HSF1: variants seen among roughly 807,000 people sequenced by gnomAD.
HSF1 encodes the protein heat shock factor protein 1.
A neutral mutation model predicts 51.7 loss-of-function variants in HSF1; 32 were observed. The ratio of observed to expected loss-of-function variants is 0.62; its 90% CI spans 0.47 to 0.83. The LOEUF is 0.83. Ranked by LOEUF, HSF1 falls within the 40% of genes least tolerant of loss-of-function variation. HSF1 has a pLI of 0.00. For synonymous variants in HSF1, 396 were observed against 309.7 expected, an observed-to-expected ratio of 1.28 and a Z score of -2.92; for missense variants, 727 against 717.0, an observed-to-expected ratio of 1.01 and a Z score of -0.16.
chr8:144,296,322 C>A (rs34845521), intron 1 of HSF1, among the ~76,000 whole-genome samples: 77,860 of 152,078 alleles, frequency 0.51, 20,222 homozygotes, highest in Admixed American at 0.64. Context: ...GCAGGGCCAC[C>A]CCTGCTTCCC....
chr8:144,309,185 A>T (rs1816429817), intron 2 of HSF1, 171 bp downstream of exon 2: 1 of 673,814 alleles, frequency 1.5e-6, no homozygotes, highest in Non-Finnish European at 2.6e-6. Context: ...TCCATGGGGG[A>T]GGGTCCTTGT....
chr8:144,296,863 C>G (rs1393848377), intron 1 of HSF1, among the ~76,000 whole-genome samples: 2 of 150,844 alleles, frequency 1.3e-5, no homozygotes, highest in Non-Finnish European at 2.9e-5. Context: ...GTGCATAGCA[C>G]AGAAAAAATT....
Position 144,313,631 on chromosome 8 carries a change from GCCGCCCCGCCTCC to G in HSF1, c.1248+34_1248+46del, listed in dbSNP as rs782678592. On this transcript the variant is annotated intron_variant, in intron 10 of 12. Transcript: ENST00000528838. ...CCCTGCTGGACGTGAGTGGAGCCCC[GCCGCCCCGCCTCC>G]CCGCCCCGCCTCCCCGCCGCGCCGC... 4 of 602,294 alleles carry G rather than the reference GCCGCCCCGCCTCC, an allele frequency of 6.6e-6. No homozygotes were observed. The African/African-American group carries it at 1.2e-4, about 18-fold the overall frequency. The allele number at this position is 602,294 out of a possible 1,614,324, so 37.3% of individuals were successfully genotyped here.
intron 1 of HSF1, among the ~76,000 whole-genome samples, chr8:144,293,163 G>A (rs1031355154): frequency 3.3e-5 from 5 of 152,214 alleles, no homozygotes; most frequent in Non-Finnish European, 7.3e-5. Context: ...CAGGCAGGAG[G>A]CCAGGTTTTC....
In HSF1 at chr8:144,297,484, AAG is replaced by A. The variant is rs377000771; in HGVS notation, c.117+5613_117+5614del. 2.5e-3 allele frequency among the ~76,000 whole-genome samples: 387 copies of A among 152,330 alleles called. 2 individuals are homozygous for A. Among genetic ancestry groups the A allele is most frequent in the African/African-American group, 8.9e-3 (372 of 41,578 alleles). On this transcript the variant is annotated intron_variant, in intron 1 of 12. Transcript: ENST00000528838. This position sits in a 1 kb window ranked among gnomAD's most constrained non-coding sequence, Gnocchi z 4.6. ...GAAGCTCCTCCAGAGCGGAAACAAG[AAG>A]AGTGTTTATGAGAAAGGTGCGGGTG...
At position 144,314,661 on chromosome 8, in the gene HSF1, TAC is replaced by T. The variant is rs1345000318; in HGVS notation, c.*337_*338del. 5 of 353,742 alleles carry T rather than the reference TAC, an allele frequency of 1.4e-5. No individual in the cohort carries two copies. The South Asian group carries it at 2.0e-4, about 14-fold the overall frequency. 21.9% of individuals were successfully genotyped at this position (353,742 alleles called of 1,614,324 possible). On this transcript the variant is annotated 3_prime_UTR_variant, in exon 13 of 13. Transcript: ENST00000528838. Reference sequence around the variant, plus strand: ...CGCTCCACAGAGATACACAGATATATACACACAGTGGATGGACGGACAAGACA... The same window carrying T: ...CGCTCCACAGAGATACACAGATATATACACAGTGGATGGACGGACAAGACA...
At chr8:144,305,038 C>T (rs186036204) in intron 1 of HSF1, among the ~76,000 whole-genome samples, 32 of 151,730 alleles carry the variant, frequency 2.1e-4, no homozygotes, top group African/African-American at 7.5e-4. Flanking sequence ...ACCTCTGCCT[C>T]CTGGGTTCAA....
chr8:144,310,745 A>C, intron 4 of HSF1: 1 of 204,784 alleles, frequency 4.9e-6, no homozygotes, highest in Non-Finnish European at 1.0e-5. Context: ...AGGCCTGGCG[A>C]GGGCCCTGAG....
At chr8:144,305,993 A>G (rs1446431893) in intron 1 of HSF1, among the ~76,000 whole-genome samples, 1 of 151,764 alleles carries the variant, frequency 6.6e-6, no homozygotes, top group Non-Finnish European at 1.5e-5. Flanking sequence ...TGGCCTCCCA[A>G]ACTGCTGGGA....
At chr8:144,312,268 C>T in intron 9 of HSF1, 24 bp downstream of exon 9, 4 of 1,530,518 alleles carry the variant, frequency 2.6e-6, no homozygotes, top group Non-Finnish European at 3.5e-6. Flanking sequence ...ACCCCTGGCC[C>T]CACCCACAGC....
In HSF1 at chr8:144,312,095, T is replaced by G; in HGVS notation, c.993T>G (p.Ile331Met). 1 of 1,612,410 alleles carries G rather than the reference T, an allele frequency of 6.2e-7. No individual in the cohort carries two copies. The highest frequency in any genetic ancestry group is 1.7e-4 in the Middle Eastern group (1 of 6,060). Residue 331 changes from isoleucine to methionine, a missense_variant, in exon 9 of 13, where the codon ATT becomes ATG. Ile to Met is a conservative substitution (Grantham distance 10). Around this residue, in one of 2 missense-constraint regions of HSF1, gnomAD observed 470 missense variants for 398.8 expected, o/e 1.18. Coordinates refer to ENST00000528838, the MANE Select transcript of HSF1 (RefSeq NM_005526.4). ...VDTLLSPTALIDSILRESEPA... is the reference protein window; with the variant it reads ...VDTLLSPTALMDSILRESEPA... The stretch of plus-strand genomic sequence containing the variant: ...CCCTCTTGTCCCCGACCGCCCTCAT[T>G]GACTCCATCCTGCGGGAGAGTGAAC...
rs574270433 is a variant in HSF1 at position 144,314,338 on chromosome 8, G to T, written c.*8G>T. The stretch of plus-strand genomic sequence containing the variant: ...GACCCCACTGTCTCCTAGAGGCCCC[G>T]GAGGAGCTGGGCCAGCCGCCCACCC... On this transcript the variant is annotated 3_prime_UTR_variant, in exon 13 of 13. Transcript: ENST00000528838. 1.3e-6 allele frequency: 2 copies of T among 1,543,108 alleles called. No individual in the cohort carries two copies. Among genetic ancestry groups the T allele is most frequent in the African/African-American group, 1.4e-5 (1 of 72,948 alleles).
intron 1 of HSF1, among the ~76,000 whole-genome samples, chr8:144,306,014 G>T (rs1292975335): frequency 6.6e-6 from 1 of 152,048 alleles, no homozygotes; most frequent in Non-Finnish European, 1.5e-5. Context: ...TTACAGGCGT[G>T]AGCCACCGCG....
Position 144,311,355 on chromosome 8 carries a change from A to G in HSF1, c.599A>G (p.Asn200Ser). The G allele has an allele frequency of 6.2e-7, 1 of 1,613,998 alleles. No individual in the cohort carries two copies. The highest frequency in any genetic ancestry group is 8.5e-7 in the Non-Finnish European group (1 of 1,180,004). ...IQFLISLVQS[N>S]RILGVKRKIP... The stretch of plus-strand genomic sequence containing the variant: ...TTCCTGATCTCACTGGTGCAGTCAA[A>G]CCGGATCCTGGGGGTGAAGAGAAAG... Residue 200 changes from asparagine (N) to serine (S), a missense_variant, in exon 6 of 13, where the codon AAC becomes AGC. Coordinates refer to ENST00000528838, the MANE Select transcript of HSF1 (RefSeq NM_005526.4).
chr8:144,305,723 A>ATTTGGTTAATT (rs1554843180), intron 1 of HSF1, among the ~76,000 whole-genome samples: 1 of 78,492 alleles, frequency 1.3e-5, no homozygotes, highest in East Asian at 4.3e-4. Context: ...CCTCTGGTTA[A>ATTTGGTTAATT]TTTTTTTTTT....
At position 144,291,689 on chromosome 8, in the gene HSF1, G is replaced by A; in HGVS notation, c.-69G>A. 6.6e-6 allele frequency: 6 copies of A among 912,780 alleles called. No individual in the cohort carries two copies. The highest frequency in any genetic ancestry group is 9.4e-6 in the Non-Finnish European group (6 of 637,688). The allele number at this position is 912,780 out of a possible 1,614,324, so 56.5% of individuals were successfully genotyped here. A position where few individuals can be genotyped will look rare whatever the true frequency, so the allele number is the denominator to read the frequency against. ...GCGCGGCCCGGAAGGCTGGCGCGGC[G>A]ACGGCGTTAGCCCGGCCCTCGGCCC... On this transcript the variant is annotated 5_prime_UTR_variant, in exon 1 of 13. Transcript: ENST00000528838. The surrounding 1 kb of genome is among the most constrained non-coding windows in gnomAD (Gnocchi z 4.1).
chr8:144,305,764 A>T (rs1273567560), intron 1 of HSF1, among the ~76,000 whole-genome samples: 7 of 97,496 alleles, frequency 7.2e-5, no homozygotes, highest in Non-Finnish European at 9.4e-5. Context: ...ACGGAGTCTC[A>T]CTCTGTAGCC....
At position 144,297,854 on chromosome 8, in the gene HSF1, AGGGAGCCCTTTGAGAAGATACT is replaced by A. The variant is rs1815572865; in HGVS notation, c.117+5981_117+6002del. On this transcript the variant is annotated intron_variant, in intron 1 of 12. Transcript: ENST00000528838. This position sits in a 1 kb window ranked among gnomAD's most constrained non-coding sequence, Gnocchi z 4.6. ...TACGGCACTGTTCACGTTTTGGGCC[AGGGAGCCCTTTGAGAAGATACT>A]CAGAGACACAGACACTTTCTATGTA... Among the ~76,000 whole-genome samples, 2 of 152,202 alleles carry A rather than the reference AGGGAGCCCTTTGAGAAGATACT, an allele frequency of 1.3e-5. No homozygotes were observed. Among genetic ancestry groups the A allele is most frequent in the Admixed American group, 1.3e-4 (2 of 15,278 alleles).
At chr8:144,302,026 C>T (rs569634998) in intron 1 of HSF1, among the ~76,000 whole-genome samples, 3 of 151,406 alleles carry the variant, frequency 2.0e-5, no homozygotes, top group South Asian at 4.3e-4. Flanking sequence ...ACTAGCTGGG[C>T]GTGGTGGCAG....
Sources: allele counts gnomAD v4.1 joint callset (sites outside exome capture counted in the v4.1 genomes callset), GRCh38; gene constraint gnomAD v4.1.1; regional missense constraint gnomAD v4.1.1; non-coding constraint Gnocchi (gnomAD v3.1); transcripts MANE v1.5; gene names NCBI Gene and HGNC (gene_info 2026-07-23, HGNC 2026-07-21).